The following SLC10A7 variants were observed in gnomAD, a reference collection of about 807,000 sequenced individuals.
The protein encoded by SLC10A7 is sodium/bile acid cotransporter 7.
Under a neutral mutation model 43.2 loss-of-function variants are expected in SLC10A7, and 29 were observed. The ratio of observed to expected loss-of-function variants is 0.67; its 90% CI spans 0.50 to 0.92. The LOEUF is 0.92. Among genes scored for constraint, SLC10A7 ranks in the 40% least tolerant of loss-of-function variants. The pLI is 0.00. For synonymous variants in SLC10A7, 152 were observed against 144.8 expected (o/e 1.05, Z -0.35); for missense variants, 295 against 403.2 (o/e 0.73, Z 2.30).
intron 5 of SLC10A7, among the ~76,000 whole-genome samples, chr4:146,392,922 G>C (rs1203809133): frequency 6.6e-6 from 1 of 152,016 alleles, no homozygotes; most frequent in Non-Finnish European, 1.5e-5. Flanking sequence ...CTGAGCTCAT[G>C]GCACAATGGC....
chr4:146,451,207 A>T (rs1351471815), intron 4 of SLC10A7, among the ~76,000 whole-genome samples: 1 of 144,344 alleles, frequency 6.9e-6, no homozygotes, highest in Non-Finnish European at 1.5e-5. Flanking sequence ...AGCGAGTAAC[A>T]AGGCTGAATC....
At chr4:146,352,984 A>C (rs983627319) in intron 5 of SLC10A7, among the ~76,000 whole-genome samples, 6 of 148,854 alleles carry the variant, frequency 4.0e-5, no homozygotes, top group African/African-American at 1.5e-4. Context: ...GAACTAGAAA[A>C]GCAAGAGCAA....
chr4:146,464,174 A>G (rs1341942689), intron 4 of SLC10A7, among the ~76,000 whole-genome samples: 2 of 152,156 alleles, frequency 1.3e-5, no homozygotes. Context: ...CAGGGCTGAT[A>G]TTAATAATTA....
intron 4 of SLC10A7, among the ~76,000 whole-genome samples, chr4:146,476,961 T>A (rs1214577834): frequency 6.8e-6 from 1 of 146,838 alleles, no homozygotes; most frequent in Non-Finnish European, 1.5e-5. Context: ...AAAAAAAAAA[T>A]ACAGTTGTTT....
chr4:146,467,633 G>A lies in SLC10A7; in HGVS notation c.397-24812C>T, dbSNP rs1163555178. Among the ~76,000 whole-genome samples, 3 of 128,900 alleles carry A rather than the reference G, an allele frequency of 2.3e-5. No homozygotes were observed. The East Asian group carries it at 7.1e-4, about 31-fold the overall frequency. 84.6% of individuals were successfully genotyped at this position (128,900 alleles called of 152,430 possible). Reference sequence around the variant, plus strand: ...GCTGAAGTGCAATGGCACAGTCTCAGCATACTGCAATCTCTGCCTCCCAGG... The same window carrying A: ...GCTGAAGTGCAATGGCACAGTCTCAACATACTGCAATCTCTGCCTCCCAGG... On this transcript the variant is annotated intron_variant, in intron 4 of 11. Transcript: ENST00000335472.
At chr4:146,387,321 A>T (rs1203765460) in intron 5 of SLC10A7, among the ~76,000 whole-genome samples, 1 of 152,240 alleles carries the variant, frequency 6.6e-6, no homozygotes, top group East Asian at 1.9e-4. Flanking sequence ...AACATATGCA[A>T]ATCAATAAAT....
chr4:146,338,814 CAACAAAACAA>C (rs1051752438), intron 5 of SLC10A7, among the ~76,000 whole-genome samples: 7 of 151,862 alleles, frequency 4.6e-5, no homozygotes, highest in Non-Finnish European at 2.9e-5. Flanking sequence ...ACATATAAAG[CAACAAAACAA>C]AACAAAACAA....
chr4:146,495,690 A>C (rs1034009968), intron 4 of SLC10A7, among the ~76,000 whole-genome samples: 2 of 151,796 alleles, frequency 1.3e-5, no homozygotes, highest in African/African-American at 4.8e-5. Flanking sequence ...ACCACATGTG[A>C]TAATTTTCTT....
intron 5 of SLC10A7, among the ~76,000 whole-genome samples, chr4:146,432,129 G>A (rs183523947): frequency 3.3e-4 from 51 of 152,242 alleles, no homozygotes; most frequent in South Asian, 1.0e-3. Flanking sequence ...AAAATATTGC[G>A]AATGTCAAGG....
rs570476101 is a variant in SLC10A7 at position 146,406,668 on chromosome 4, C to T, written c.435+36115G>A. ...CCAGCCATCTGCTCAATGCCTAGTTCCTAGGATCCTTCCTTAAGAGTTTAT... is the reference window on the plus strand; with the variant it reads ...CCAGCCATCTGCTCAATGCCTAGTTTCTAGGATCCTTCCTTAAGAGTTTAT... On this transcript the variant is annotated intron_variant, in intron 5 of 11. Coordinates refer to ENST00000335472, the MANE Select transcript of SLC10A7 (RefSeq NM_001029998.6). Among the ~76,000 whole-genome samples, 25 of 152,268 alleles carry T rather than the reference C, an allele frequency of 1.6e-4. 1 individual carries two copies. In the South Asian group the frequency reaches 4.6e-3, roughly 28 times the overall value.
intron 5 of SLC10A7, among the ~76,000 whole-genome samples, chr4:146,393,017 A>G (rs1421783065): frequency 6.6e-6 from 1 of 151,692 alleles, no homozygotes; most frequent in Non-Finnish European, 1.5e-5. Flanking sequence ...AATGTTCTCC[A>G]CTTAGGAAAT....
chr4:146,502,209 C>T (rs968704716), intron 4 of SLC10A7, among the ~76,000 whole-genome samples: 4 of 152,170 alleles, frequency 2.6e-5, no homozygotes, highest in Admixed American at 1.3e-4. Flanking sequence ...GATATCATTA[C>T]ACCGTATTAG....
At chr4:146,502,515 C>T (rs1459367310) in intron 4 of SLC10A7, among the ~76,000 whole-genome samples, 1 of 152,018 alleles carries the variant, frequency 6.6e-6, no homozygotes, top group Non-Finnish European at 1.5e-5. Flanking sequence ...TATACCCATT[C>T]CACTCCTAGG....
intron 5 of SLC10A7, among the ~76,000 whole-genome samples, chr4:146,410,062 C>G (rs956261427): frequency 1.3e-5 from 2 of 152,076 alleles, no homozygotes; most frequent in Non-Finnish European, 2.9e-5. Context: ...AAGTATCTCT[C>G]ACACATTATA....
chr4:146,506,621 C>A (rs2150036974), intron 3 of SLC10A7, among the ~76,000 whole-genome samples: 1 of 152,222 alleles, frequency 6.6e-6, no homozygotes, highest in South Asian at 2.1e-4. Flanking sequence ...GTATATTTTT[C>A]CTCATATTCA....
chr4:146,474,788 A>G (rs1277513474), intron 4 of SLC10A7, among the ~76,000 whole-genome samples: 1 of 152,216 alleles, frequency 6.6e-6, no homozygotes, highest in Non-Finnish European at 1.5e-5. Context: ...AGTAAATACA[A>G]ATAGAAAATC....
chr4:146,408,323 A>G (rs1260342506), intron 5 of SLC10A7, among the ~76,000 whole-genome samples: 1 of 151,976 alleles, frequency 6.6e-6, no homozygotes, highest in Admixed American at 6.6e-5. Flanking sequence ...TGAGGCAGGC[A>G]GATTGCCTGA....
At chr4:146,484,512 CAT>C (rs752640997) in intron 4 of SLC10A7, among the ~76,000 whole-genome samples, 18 of 151,806 alleles carry the variant, frequency 1.2e-4, no homozygotes, top group Non-Finnish European at 2.1e-4. Flanking sequence ...AAAAGTCAAA[CAT>C]AGAGAGATAG....
intron 11 of SLC10A7, among the ~76,000 whole-genome samples, chr4:146,257,111 T>G (rs771714380): frequency 6.6e-6 from 1 of 152,262 alleles, no homozygotes; most frequent in Non-Finnish European, 1.5e-5. Context: ...GATTTTCAAA[T>G]AATTTTCTTC....
Sources: allele counts gnomAD v4.1 joint callset (sites outside exome capture counted in the v4.1 genomes callset), GRCh38; gene constraint gnomAD v4.1.1; transcripts MANE v1.5; gene names NCBI Gene and HGNC (gene_info 2026-07-23, HGNC 2026-07-21).